ERN1: variants seen among roughly 807,000 people sequenced by gnomAD.
ERN1 encodes endoplasmic reticulum to nucleus signaling 1.
In ERN1, 39 loss-of-function variants were observed where a neutral mutation model predicts 113.1. The observed-to-expected ratio is 0.34, with a 90% CI of 0.27 to 0.45. The LOEUF is 0.45. ERN1 is among the 20% of genes least tolerant of loss of function. ERN1 has a pLI of 1.00. For synonymous variants in ERN1, 507 were observed against 515.9 expected (o/e 0.98, Z 0.23); for missense variants, 976 against 1,274.8 (o/e 0.77, Z 3.57).
intron 1 of ERN1, chr17:64,129,571 C>G: frequency 2.8e-6 from 1 of 354,858 alleles, no homozygotes; most frequent in East Asian, 4.2e-5. Flanking sequence ...CCGCGGCCCC[C>G]GCCAGGCAGC....
At chr17:64,077,955 G>A (rs1913649727) in intron 4 of ERN1, among the ~76,000 whole-genome samples, 4 of 151,872 alleles carry the variant, frequency 2.6e-5, no homozygotes, top group Admixed American at 2.6e-4. Context: ...CCATGGTCTC[G>A]ATCTCCTGAC....
chr17:64,055,428 C>T (rs993217651), intron 13 of ERN1, among the ~76,000 whole-genome samples: 2 of 152,184 alleles, frequency 1.3e-5, no homozygotes, highest in Non-Finnish European at 2.9e-5. Context: ...TCTGGTCAGC[C>T]GCGACGCCCA....
intron 1 of ERN1, among the ~76,000 whole-genome samples, chr17:64,112,030 A>T (rs1914685625): frequency 6.6e-6 from 1 of 152,192 alleles, no homozygotes; most frequent in African/African-American, 2.4e-5. Context: ...ACAATCAGGA[A>T]TAATTAAGGA....
intron 1 of ERN1, among the ~76,000 whole-genome samples, chr17:64,119,988 T>C (rs1421498488): frequency 6.6e-6 from 1 of 151,334 alleles, no homozygotes; most frequent in Admixed American, 6.6e-5. Flanking sequence ...AACTCCTGAC[T>C]TCAAGTGATC....
At chr17:64,055,448 G>C (rs543821333) in intron 13 of ERN1, among the ~76,000 whole-genome samples, 1 of 152,340 alleles carries the variant, frequency 6.6e-6, no homozygotes, top group South Asian at 2.1e-4. Flanking sequence ...AGCCCTTGTG[G>C]AGAAAGACAG....
Position 64,040,757 on chromosome 17 carries a change from C to T in ERN1, c.*3231G>A, listed in dbSNP as rs1258154642. The T allele has an allele frequency of 6.6e-6, 1 of 152,204 alleles. No individual in the cohort carries two copies. The highest frequency in any genetic ancestry group is 1.5e-5 in the Non-Finnish European group (1 of 68,060). The allele number at this position is 152,204 out of a possible 1,614,324, so 9.4% of individuals were successfully genotyped here. A position where few individuals can be genotyped will look rare whatever the true frequency, so the allele number is the denominator to read the frequency against. The stretch of plus-strand genomic sequence containing the variant: ...ACACCTGCGCACCCAGGATTTCACA[C>T]TTAGCCACTAGATTGCTTCACAGCT... On this transcript the variant is annotated 3_prime_UTR_variant, in exon 22 of 22. Transcript: ENST00000433197.
At chr17:64,098,011 C>T in intron 2 of ERN1, 110 bp downstream of exon 2, 1 of 1,370,972 alleles carries the variant, frequency 7.3e-7, no homozygotes, top group South Asian at 1.4e-5. Flanking sequence ...TTCTTTATTT[C>T]TTATTTATTT....
Position 64,056,037 on chromosome 17 carries a change from G to T in ERN1, c.1399-89C>A, listed in dbSNP as rs9914491. 5,279 of 1,456,214 alleles carry T rather than the reference G, an allele frequency of 3.6e-3. 175 individuals are homozygous for T. In the African/African-American group the frequency reaches 0.067, roughly 18 times the overall value. The allele number at this position is 1,456,214 out of a possible 1,614,324, so 90.2% of individuals were successfully genotyped here. On this transcript the variant is annotated intron_variant, in intron 12 of 21. Coordinates refer to ENST00000433197, the MANE Select transcript of ERN1 (RefSeq NM_001433.5). ...AAGGGACAGGTCCCAGTGGCGGAGG[G>T]AGCATGTGTACTTTATGTGACCCAA...
In ERN1 at chr17:64,119,962, G is replaced by A. The variant is rs143946356; in HGVS notation, c.54+10014C>T. ...GGTAGAGATGGGGTCTTTCATTGTT[G>A]CCCAGTCTGGTCTCAAACTCCTGAC... On this transcript the variant is annotated intron_variant, in intron 1 of 21. Transcript: ENST00000433197. 6.0e-3 allele frequency among the ~76,000 whole-genome samples: 919 copies of A among 152,054 alleles called. 7 individuals are homozygous for A. The highest frequency in any genetic ancestry group is 8.1e-3 in the Non-Finnish European group (552 of 67,982).
chr17:64,051,152 A>T (rs1424266757), intron 17 of ERN1, among the ~76,000 whole-genome samples: 2 of 95,038 alleles, frequency 2.1e-5, no homozygotes, highest in East Asian at 6.5e-4. Context: ...GCCCATAGCG[A>T]TTAAGAAAAA....
Position 64,105,499 on chromosome 17 carries a change from T to G in ERN1, c.55-7258A>C, listed in dbSNP as rs983001851. The stretch of plus-strand genomic sequence containing the variant: ...AACAGACCAGAAGTTTATATAATCA[T>G]CTGGCTAATAATAAAAATTTGTTTT... On this transcript the variant is annotated intron_variant, in intron 1 of 21. Transcript: ENST00000433197. 4.6e-5 allele frequency among the ~76,000 whole-genome samples: 7 copies of G among 152,210 alleles called. 1 individual carries two copies. Among genetic ancestry groups the G allele is most frequent in the Non-Finnish European group, 1.0e-4 (7 of 68,028 alleles).
At position 64,130,026 on chromosome 17, in the gene ERN1, G is replaced by A. The variant is rs1412954716; in HGVS notation, c.4C>T (p.Pro2Ser). 1 of 1,427,870 alleles carries A rather than the reference G, an allele frequency of 7.0e-7. No individual in the cohort carries two copies. The highest frequency in any genetic ancestry group is 9.1e-7 in the Non-Finnish European group (1 of 1,097,510). The allele number at this position is 1,427,870 out of a possible 1,614,324, so 88.5% of individuals were successfully genotyped here. ...AGCAGCAGCAGCAGCCGCCGGGCCGGCATGGCGAGGACTCGGCCCTGGCTC... is the reference window on the plus strand; with the variant it reads ...AGCAGCAGCAGCAGCCGCCGGGCCGACATGGCGAGGACTCGGCCCTGGCTC... The part of the protein sequence containing the change: M[P>S]ARRLLLLLTL... Residue 2 changes from proline (P) to serine (S), a missense_variant, in exon 1 of 22, where the codon CCG (proline) becomes TCG (serine). By Grantham distance (74) the Pro-to-Ser change is moderately conservative. This residue lies in a region of ERN1 where 459 missense variants were observed against 581.2 expected (regional missense o/e 0.79). Transcript: ENST00000433197. The surrounding 1 kb of genome is among the most constrained non-coding windows in gnomAD (Gnocchi z 4.0).
In ERN1 at chr17:64,086,637, CTTTTTTTTTTT is replaced by C. The variant is rs773655917; in HGVS notation, c.176-5840_176-5830del. On this transcript the variant is annotated intron_variant, in intron 2 of 21. Coordinates refer to ENST00000433197, the MANE Select transcript of ERN1 (RefSeq NM_001433.5). The stretch of plus-strand genomic sequence containing the variant: ...CATTTCTTTTTTTTTCTTTTCTTTC[CTTTTTTTTTTT>C]TTTTTTTTTTTTTTTTGAGATGGAG... 1.7e-4 allele frequency among the ~76,000 whole-genome samples: 8 copies of C among 47,598 alleles called. No individual in the cohort carries two copies. In the East Asian group the frequency reaches 2.9e-3, roughly 17 times the overall value. 31.2% of individuals were successfully genotyped at this position (47,598 alleles called of 152,430 possible).
chr17:64,118,770 C>T (rs1242708038), intron 1 of ERN1, among the ~76,000 whole-genome samples: 2 of 152,220 alleles, frequency 1.3e-5, no homozygotes, highest in East Asian at 1.9e-4. Context: ...GGCTTGTCAG[C>T]TCGGCACCTG....
At chr17:64,117,059 C>G (rs1914826275) in intron 1 of ERN1, among the ~76,000 whole-genome samples, 2 of 151,668 alleles carry the variant, frequency 1.3e-5, no homozygotes. Flanking sequence ...TTGCAGTGAG[C>G]AGAGATCATG....
intron 2 of ERN1, among the ~76,000 whole-genome samples, chr17:64,095,471 G>A (rs1036577218): frequency 6.6e-6 from 1 of 151,990 alleles, no homozygotes; most frequent in Non-Finnish European, 1.5e-5. Flanking sequence ...GACCTTAATT[G>A]GATTTATCTA....
At chr17:64,119,521 TG>T (rs924597507) in intron 1 of ERN1, among the ~76,000 whole-genome samples, 1 of 151,444 alleles carries the variant, frequency 6.6e-6, no homozygotes, top group African/African-American at 2.4e-5. Context: ...CCCAAGCAGC[TG>T]GGATTACAGG....
chr17:64,105,576 G>C lies in ERN1; in HGVS notation c.55-7335C>G, dbSNP rs1432175755. On this transcript the variant is annotated intron_variant, in intron 1 of 21. Coordinates refer to ENST00000433197, the MANE Select transcript of ERN1 (RefSeq NM_001433.5). ...TTGTTCAGAGGCTGGTTTTTTCTCTGTGTGTGTGTGTTTTTGTTTGTTTTG... is the reference window on the plus strand; with the variant it reads ...TTGTTCAGAGGCTGGTTTTTTCTCTCTGTGTGTGTGTTTTTGTTTGTTTTG... Among the ~76,000 whole-genome samples the C allele has an allele frequency of 5.3e-5, 8 of 152,056 alleles. No individual in the cohort carries two copies. The South Asian group carries it at 6.2e-4, about 12-fold the overall frequency.
intron 10 of ERN1, 40 bp from the exon 11 acceptor site, chr17:64,060,627 C>A (rs763007764): frequency 2.4e-5 from 35 of 1,476,888 alleles, no homozygotes; most frequent in African/African-American, 4.2e-5. Flanking sequence ...AACAATTTCC[C>A]GAGCTGTGGT....
Sources: allele counts gnomAD v4.1 joint callset (sites outside exome capture counted in the v4.1 genomes callset), GRCh38; gene constraint gnomAD v4.1.1; regional missense constraint gnomAD v4.1.1; non-coding constraint Gnocchi (gnomAD v3.1); transcripts MANE v1.5; gene names NCBI Gene and HGNC (gene_info 2026-07-23, HGNC 2026-07-21).